The following BANP variants were observed in gnomAD, a reference collection of about 807,000 sequenced individuals.
BANP encodes the protein BTG3 associated nuclear protein.
Under a neutral mutation model 68.1 loss-of-function variants are expected in BANP, and 11 were observed. That is an observed-to-expected ratio of 0.16 (90% CI 0.10 to 0.27). BANP has a LOEUF of 0.27. Ranked by LOEUF, BANP falls within the 10% of genes least tolerant of loss-of-function variation. The pLI is 1.00. For synonymous variants in BANP, 329 were observed against 303.2 expected, an observed-to-expected ratio of 1.09 and a Z score of -0.88; for missense variants, 504 against 722.7, an observed-to-expected ratio of 0.70 and a Z score of 3.47.
At chr16:88,026,332 G>A (rs1409200458) in intron 7 of BANP, among the ~76,000 whole-genome samples, 2 of 152,240 alleles carry the variant, frequency 1.3e-5, no homozygotes, top group African/African-American at 4.8e-5. Flanking sequence ...TAGTTGAGAA[G>A]GCACGATAGA....
chr16:87,973,288 A>T (rs12932086), intron 1 of BANP, among the ~76,000 whole-genome samples: 52,902 of 151,180 alleles, frequency 0.35, 10,533 homozygotes, highest in Non-Finnish European at 0.47. Flanking sequence ...CAGTTGATTG[A>T]TGTTTCCTCA....
chr16:87,966,985 A>C (rs2060134923), intron 1 of BANP: 1 of 152,298 alleles, frequency 6.6e-6, no homozygotes, highest in Non-Finnish European at 1.5e-5. Context: ...GCCTCCTTCC[A>C]CGCCTGGCAC....
At position 88,076,641 on chromosome 16, in the gene BANP, G is replaced by A. The variant is rs202207640; in HGVS notation, c.1573G>A (p.Gly525Arg). The change falls in exon 14 of 14, where the codon GGG becomes AGG. Residue 525 changes from glycine (G) to arginine (R), a missense_variant. Around this residue, in one of 3 missense-constraint regions of BANP, gnomAD observed 223 missense variants for 246.2 expected, o/e 0.91. Coordinates refer to ENST00000682872, the MANE Select transcript of BANP (RefSeq NM_001386991.1). ...ACAGCCGGAGATGCAGCTCGAGCAC[G>A]GGGCCATCCAGATTCAGTGAGCGGT... ...TLQPEMQLEH[G>R]AIQIQ 2 of 1,610,066 alleles carry A rather than the reference G, an allele frequency of 1.2e-6. No individual in the cohort carries two copies. The highest frequency in any genetic ancestry group is 2.2e-5 in the East Asian group (1 of 44,856).
At chr16:88,016,812 C>T (rs1316326012) in intron 6 of BANP, among the ~76,000 whole-genome samples, 1 of 152,194 alleles carries the variant, frequency 6.6e-6, no homozygotes, top group Non-Finnish European at 1.5e-5. Flanking sequence ...TTCCTGGCAG[C>T]ATCCCTGTAC....
At chr16:88,030,074 C>T (rs1396643032) in intron 8 of BANP, among the ~76,000 whole-genome samples, 1 of 152,216 alleles carries the variant, frequency 6.6e-6, no homozygotes, top group Non-Finnish European at 1.5e-5. Flanking sequence ...TAAACTATCC[C>T]TAGAATAAAG....
At chr16:87,978,692 G>C (rs1305487774) in intron 2 of BANP, 3 of 468,782 alleles carry the variant, frequency 6.4e-6, no homozygotes, top group Non-Finnish European at 4.4e-6. Context: ...GGACTATCCA[G>C]GTTAATAGCT....
chr16:87,975,555 T>C (rs906644033), intron 2 of BANP, among the ~76,000 whole-genome samples: 5 of 150,316 alleles, frequency 3.3e-5, no homozygotes, highest in South Asian at 2.1e-4. Context: ...AACCTTACCA[T>C]GTTGTGTGTG....
intron 11 of BANP, among the ~76,000 whole-genome samples, chr16:88,038,673 A>G (rs11866437): frequency 0.73 from 111,408 of 151,992 alleles, 41,037 homozygotes; most frequent in Middle Eastern, 0.89. Flanking sequence ...AATGGTCTCT[A>G]CAAAATGACG....
chr16:88,042,195 A>C (rs2080983616), intron 11 of BANP, among the ~76,000 whole-genome samples: 2 of 152,238 alleles, frequency 1.3e-5, no homozygotes, highest in South Asian at 4.1e-4. Flanking sequence ...GGGGGGTAGC[A>C]GTAGCGGATG....
At chr16:87,961,518 A>G (rs142747253) in intron 1 of BANP, among the ~76,000 whole-genome samples, 2 of 152,230 alleles carry the variant, frequency 1.3e-5, no homozygotes, top group African/African-American at 2.4e-5. Flanking sequence ...GGAGCAGACC[A>G]CCGGTGGAAG....
Position 88,061,656 on chromosome 16 carries a change from C to T in BANP, c.1312-3611C>T, listed in dbSNP as rs537276994. On this transcript the variant is annotated intron_variant, in intron 11 of 13. Transcript: ENST00000682872. ...TGGGATGAGCCTCTTTCTCTGAGCA[C>T]CTCATTTTTCTTTCTTTTTTTTTTT... Among the ~76,000 whole-genome samples the T allele has an allele frequency of 1.2e-3, 178 of 145,122 alleles. 1 individual carries two copies. The highest frequency in any genetic ancestry group is 3.8e-3 in the African/African-American group (156 of 40,968).
intron 1 of BANP, among the ~76,000 whole-genome samples, chr16:87,964,050 C>G (rs907629049): frequency 7.2e-5 from 11 of 152,240 alleles, no homozygotes; most frequent in African/African-American, 2.7e-4. Context: ...TCAGATGTGT[C>G]AATCACCCTG....
intron 1 of BANP, among the ~76,000 whole-genome samples, chr16:87,965,603 T>G (rs1282099653): frequency 3.0e-5 from 2 of 65,866 alleles, no homozygotes; most frequent in Non-Finnish European, 5.9e-5. Flanking sequence ...AGCGTTCGCA[T>G]GGCTGGGCGG....
chr16:88,001,122 C>G (rs1268816204), intron 4 of BANP, among the ~76,000 whole-genome samples: 2 of 94,850 alleles, frequency 2.1e-5, no homozygotes, highest in Admixed American at 1.1e-4. Flanking sequence ...AGACACGTCT[C>G]CATGCACGCA....
At chr16:88,054,518 C>G (rs1309959204) in intron 11 of BANP, among the ~76,000 whole-genome samples, 1 of 152,200 alleles carries the variant, frequency 6.6e-6, no homozygotes, top group Non-Finnish European at 1.5e-5. Flanking sequence ...CCACCATTGT[C>G]CCTGTCACCC....
intron 6 of BANP, among the ~76,000 whole-genome samples, chr16:88,008,678 T>C (rs2072039504): frequency 6.6e-6 from 1 of 152,232 alleles, no homozygotes; most frequent in Non-Finnish European, 1.5e-5. Context: ...TGTCTGAGTT[T>C]AAGTTTTTTT....
At chr16:88,017,577 G>A (rs767452215) in intron 6 of BANP, among the ~76,000 whole-genome samples, 48 of 152,252 alleles carry the variant, frequency 3.2e-4, no homozygotes, top group Non-Finnish European at 5.0e-4. Context: ...GACTTGTGAA[G>A]GGTCAGCTAG....
Position 88,057,702 on chromosome 16 carries a change from G to C in BANP, c.1312-7565G>C, listed in dbSNP as rs1323528248. 1.4e-5 allele frequency among the ~76,000 whole-genome samples: 2 copies of C among 146,120 alleles called. No homozygotes were observed. The highest frequency in any genetic ancestry group is 4.2e-4 in the East Asian group (2 of 4,790). On this transcript the variant is annotated intron_variant, in intron 11 of 13. Transcript: ENST00000682872. This position sits in a 1 kb window ranked among gnomAD's most constrained non-coding sequence, Gnocchi z 4.6. ...GAAGGGAAGTTGCGGCACTGTGCGAGACAGTCTGACTTCTGACAAGTAAGA... is the reference window on the plus strand; with the variant it reads ...GAAGGGAAGTTGCGGCACTGTGCGACACAGTCTGACTTCTGACAAGTAAGA...
At chr16:88,059,420 G>A (rs752864329) in intron 11 of BANP, among the ~76,000 whole-genome samples, 3 of 152,004 alleles carry the variant, frequency 2.0e-5, no homozygotes, top group African/African-American at 4.8e-5. Flanking sequence ...CACTGGGTTC[G>A]GGCCCACCTG....
Sources: allele counts gnomAD v4.1 joint callset (sites outside exome capture counted in the v4.1 genomes callset), GRCh38; gene constraint gnomAD v4.1.1; regional missense constraint gnomAD v4.1.1; non-coding constraint Gnocchi (gnomAD v3.1); transcripts MANE v1.5; gene names NCBI Gene and HGNC (gene_info 2026-07-23, HGNC 2026-07-21).